DENND4C: variants seen among roughly 807,000 people sequenced by gnomAD.
The protein encoded by DENND4C is DENN domain-containing protein 4C.
In DENND4C, 108 loss-of-function variants were observed where a neutral mutation model predicts 203.0. The observed-to-expected ratio is 0.53, with a 90% CI of 0.46 to 0.62. The LOEUF (loss-of-function observed/expected upper bound fraction) is 0.62, where lower values mean the gene tolerates loss of function less well. DENND4C is among the 20% of genes least tolerant of loss of function. DENND4C has a pLI of 0.00. For missense variants in DENND4C, 2,481 were observed against 2,301.2 expected (o/e 1.08, Z -1.60); for synonymous variants, 871 against 792.4 (o/e 1.10, Z -1.67).
chr9:19,325,761 G>A (rs1588923694), intron 13 of DENND4C, among the ~76,000 whole-genome samples, 178 bp from the exon 14 acceptor site: 1 of 152,230 alleles, frequency 6.6e-6, no homozygotes, highest in Non-Finnish European at 1.5e-5. Context: ...ATAGCCACAA[G>A]TAAAAAATTA....
chr9:19,342,527 CACTG>C, intron 21 of DENND4C, 102 bp from the exon 22 acceptor site: 1 of 1,218,912 alleles, frequency 8.2e-7, no homozygotes, highest in Non-Finnish European at 1.1e-6. Context: ...AAAATAGACA[CACTG>C]ACTGTTGGAG....
intron 10 of DENND4C, among the ~76,000 whole-genome samples, chr9:19,310,433 G>C (rs191527666): frequency 6.6e-6 from 1 of 152,322 alleles, no homozygotes; most frequent in East Asian, 1.9e-4. Context: ...TTGGAACACA[G>C]CCATGCTCAT....
At chr9:19,309,571 A>T (rs1840349185) in intron 10 of DENND4C, among the ~76,000 whole-genome samples, 1 of 152,036 alleles carries the variant, frequency 6.6e-6, no homozygotes, top group African/African-American at 2.4e-5. Flanking sequence ...ATGGTATGAG[A>T]CTTTTTTTTT....
In DENND4C at chr9:19,336,812, T is replaced by C. The variant is rs1820581105; in HGVS notation, c.2861T>C (p.Ile954Thr). 16 of 1,550,646 alleles carry C rather than the reference T, an allele frequency of 1.0e-5. No homozygotes were observed. The highest frequency in any genetic ancestry group is 2.4e-5 in the South Asian group (2 of 84,060). Reference protein sequence around the residue: ...FVRDLIRLESIDNHSSTGGQS... With the variant: ...FVRDLIRLESTDNHSSTGGQS... ...AGAGATTTAATCAGGCTTGAGTCCATTGATAATCACTCTAGCACAGGTACT... is the reference window on the plus strand; with the variant it reads ...AGAGATTTAATCAGGCTTGAGTCCACTGATAATCACTCTAGCACAGGTACT... The change falls in exon 20 of 33, where the codon ATT becomes ACT. Residue 954 changes from isoleucine (I) to threonine (T), a missense_variant. By Grantham distance (89) the Ile-to-Thr change is moderately conservative. Coordinates refer to ENST00000434457, the MANE Select transcript of DENND4C (RefSeq NM_001330640.2).
At chr9:19,306,861 G>A (rs887319346) in intron 10 of DENND4C, among the ~76,000 whole-genome samples, 1 of 151,838 alleles carries the variant, frequency 6.6e-6, no homozygotes, top group Non-Finnish European at 1.5e-5. Context: ...ACTCTCTGCA[G>A]TCTCCGCCTC....
chr9:19,351,438 A>G (rs1824090598), intron 24 of DENND4C, among the ~76,000 whole-genome samples: 1 of 152,318 alleles, frequency 6.6e-6, no homozygotes, highest in African/African-American at 2.4e-5. Flanking sequence ...AGGATGTGTC[A>G]TTGAAGTTTC....
chr9:19,314,318 G>T (rs1841346183), intron 10 of DENND4C, among the ~76,000 whole-genome samples: 1 of 151,802 alleles, frequency 6.6e-6, no homozygotes, highest in Admixed American at 6.6e-5. Context: ...GCTGGGTGTG[G>T]TGCCACACGC....
intron 30 of DENND4C, among the ~76,000 whole-genome samples, chr9:19,367,295 G>A (rs1827875783): frequency 6.6e-6 from 1 of 152,288 alleles, no homozygotes; most frequent in South Asian, 2.1e-4. Context: ...TCCTCAAAAT[G>A]GCAAACCATA....
chr9:19,312,253 A>G (rs2131485601), intron 10 of DENND4C, among the ~76,000 whole-genome samples: 1 of 152,132 alleles, frequency 6.6e-6, no homozygotes, highest in East Asian at 1.9e-4. Flanking sequence ...ACAGGCGTGT[A>G]CACCGTGGCC....
chr9:19,347,149 A>G (rs1299766916), intron 23 of DENND4C, 63 bp downstream of exon 23: 7 of 1,442,342 alleles, frequency 4.9e-6, no homozygotes, highest in Non-Finnish European at 5.7e-6. Flanking sequence ...CTTTCTAGAA[A>G]TATATGTATT....
chr9:19,305,466 G>C lies in DENND4C; in HGVS notation c.1426G>C (p.Asp476His). 1 of 1,613,764 alleles carries C rather than the reference G, an allele frequency of 6.2e-7. No homozygotes were observed. The highest frequency in any genetic ancestry group is 1.1e-5 in the South Asian group (1 of 91,058). ...FIVGVDSRYF[D>H]LHDPPQDVVC... ...AGTTGGAGTTGACTCAAGGTATTTT[G>C]ATCTTCATGACCCACCACAAGATGT... The change falls in exon 10 of 33, where the codon GAT becomes CAT. Residue 476 changes from aspartate (D) to histidine (H), a missense_variant. Transcript: ENST00000434457.
chr9:19,266,051 A>G (rs2097219672), intron 1 of DENND4C, among the ~76,000 whole-genome samples: 1 of 152,152 alleles, frequency 6.6e-6, no homozygotes, highest in African/African-American at 2.4e-5. Flanking sequence ...ACAATGGTTG[A>G]ACTAGTTTAC....
intron 20 of DENND4C, among the ~76,000 whole-genome samples, chr9:19,339,125 T>C (rs1712656937): frequency 6.6e-6 from 1 of 152,220 alleles, no homozygotes; most frequent in South Asian, 2.1e-4. Context: ...TCATTCTGCA[T>C]GCATGCACAT....
chr9:19,340,327 G>C (rs2666804), intron 20 of DENND4C, among the ~76,000 whole-genome samples: 29,272 of 152,140 alleles, frequency 0.19, 3,074 homozygotes, highest in Middle Eastern at 0.42. Flanking sequence ...GCTTAGGGTA[G>C]ATACTCAAAA....
At chr9:19,349,417 A>G (rs975061660) in intron 23 of DENND4C, among the ~76,000 whole-genome samples, 5 of 152,166 alleles carry the variant, frequency 3.3e-5, no homozygotes, top group East Asian at 1.9e-4. Flanking sequence ...TGCCTCCCCA[A>G]AAATTATCTG....
Position 19,287,006 on chromosome 9 carries a change from C to G in DENND4C, c.543C>G (p.Asn181Lys). The change falls in exon 3 of 33, where the codon AAC becomes AAG. Residue 181 changes from asparagine to lysine, a missense_variant. Physicochemically the swap from Asn to Lys is moderately conservative, Grantham distance 94. Transcript: ENST00000434457. The stretch of plus-strand genomic sequence containing the variant: ...ATACCTTCTGCAAAGTTGACAAAAA[C>G]TTAAATTGTGGAATGGTAAGAATAA... ...PPHTFCKVDK[N>K]LNCGMWGSSV... 8.1e-7 allele frequency: 1 copy of G among 1,232,138 alleles called. No homozygotes were observed. Among genetic ancestry groups the G allele is most frequent in the Non-Finnish European group, 1.0e-6 (1 of 987,956 alleles). The allele number at this position is 1,232,138 out of a possible 1,614,324, so 76.3% of individuals were successfully genotyped here. A position where few individuals can be genotyped will look rare whatever the true frequency, so the allele number is the denominator to read the frequency against.
chr9:19,370,783 A>G (rs568072840), intron 31 of DENND4C, among the ~76,000 whole-genome samples: 4 of 152,324 alleles, frequency 2.6e-5, no homozygotes, highest in Admixed American at 2.6e-4. Context: ...TCCTCAACAT[A>G]AGTGAATTTT....
At chr9:19,244,374 G>T (rs1031396974) in intron 1 of DENND4C, among the ~76,000 whole-genome samples, 4 of 151,872 alleles carry the variant, frequency 2.6e-5, no homozygotes, top group African/African-American at 9.7e-5. Flanking sequence ...TTCCTTTTTG[G>T]ATTACTTGAG....
intron 20 of DENND4C, among the ~76,000 whole-genome samples, chr9:19,340,375 G>C (rs1210813777): frequency 6.6e-6 from 1 of 152,084 alleles, no homozygotes; most frequent in Non-Finnish European, 1.5e-5. Flanking sequence ...TCCTCCCCTG[G>C]CCCTTTCAGT....
Sources: allele counts gnomAD v4.1 joint callset (sites outside exome capture counted in the v4.1 genomes callset), GRCh38; gene constraint gnomAD v4.1.1; transcripts MANE v1.5; gene names NCBI Gene and HGNC (gene_info 2026-07-23, HGNC 2026-07-21).